Variants in PRKAG2 observed in about 807,000 individuals in gnomAD.
PRKAG2 encodes the protein protein kinase AMP-activated non-catalytic subunit gamma 2.
A neutral mutation model predicts 69.6 loss-of-function variants in PRKAG2; 26 were observed. The ratio of observed to expected loss-of-function variants is 0.37; its 90% CI spans 0.27 to 0.52. PRKAG2 has a LOEUF of 0.52. Among genes scored for constraint, PRKAG2 ranks in the 20% least tolerant of loss-of-function variants. The pLI is 0.90. For missense variants in PRKAG2, 557 were observed against 740.0 expected, an observed-to-expected ratio of 0.75 and a Z score of 2.87; for synonymous variants, 293 against 285.0, an observed-to-expected ratio of 1.03 and a Z score of -0.28.
intron 5 of PRKAG2, among the ~76,000 whole-genome samples, chr7:151,607,064 G>C (rs1391269686): frequency 6.6e-6 from 1 of 152,188 alleles, no homozygotes; most frequent in Non-Finnish European, 1.5e-5. Flanking sequence ...TCTTTAAACA[G>C]ATGCCAACCC....
rs780581700 is a variant in PRKAG2, at chr7:151,565,329, A to G, written c.1437+17T>C. 11 of 1,378,550 alleles carry G rather than the reference A, an allele frequency of 8.0e-6. No homozygotes were observed. Among genetic ancestry groups the G allele is most frequent in the Middle Eastern group, 3.7e-4 (2 of 5,460 alleles). 85.4% of individuals were successfully genotyped at this position (1,378,550 alleles called of 1,614,324 possible). A position where few individuals can be genotyped will look rare whatever the true frequency, so the allele number is the denominator to read the frequency against. On this transcript the variant is annotated intron_variant, in intron 13 of 15. Transcript: ENST00000287878. Reference sequence around the variant, plus strand: ...ATGCATTCTAGGTGACAGATTGAACAAAATTAAAATACTTACAATTACATC... The same window carrying G: ...ATGCATTCTAGGTGACAGATTGAACGAAATTAAAATACTTACAATTACATC...
At chr7:151,695,901 T>A (rs1456642594) in intron 3 of PRKAG2, among the ~76,000 whole-genome samples, 1 of 152,124 alleles carries the variant, frequency 6.6e-6, no homozygotes, top group East Asian at 1.9e-4. Context: ...AGGCACTGTG[T>A]CCTCCAGACC....
intron 3 of PRKAG2, among the ~76,000 whole-genome samples, chr7:151,685,035 C>A (rs1834512312): frequency 6.6e-6 from 1 of 152,198 alleles, no homozygotes; most frequent in Non-Finnish European, 1.5e-5. Flanking sequence ...AGTCCACTTC[C>A]TCTATAACCC....
intron 5 of PRKAG2, among the ~76,000 whole-genome samples, chr7:151,621,344 T>C (rs1206145942): frequency 6.6e-6 from 1 of 152,192 alleles, no homozygotes; most frequent in Non-Finnish European, 1.5e-5. Context: ...TATGCTCTTC[T>C]GTAGCAGAAG....
intron 6 of PRKAG2, among the ~76,000 whole-genome samples, chr7:151,582,161 C>T (rs763672903): frequency 5.3e-5 from 8 of 152,124 alleles, no homozygotes; most frequent in South Asian, 2.1e-4. Context: ...TATGTATGTA[C>T]GTATGAATGA....
rs1045151418 is a variant in PRKAG2 at position 151,559,498 on chromosome 7, A to G, written c.1678+1026T>C. Reference sequence around the variant, plus strand: ...ACATGAACATTTCATTTTCTAGTAAATTCCAGGTGGTGGTGATGATGCCTG... The same window carrying G: ...ACATGAACATTTCATTTTCTAGTAAGTTCCAGGTGGTGGTGATGATGCCTG... On this transcript the variant is annotated intron_variant, in intron 15 of 15. Coordinates refer to ENST00000287878, the MANE Select transcript of PRKAG2 (RefSeq NM_016203.4). 19 of 982,502 alleles carry G rather than the reference A, an allele frequency of 1.9e-5. No homozygotes were observed. The African/African-American group carries it at 3.3e-4, about 17-fold the overall frequency. The allele number at this position is 982,502 out of a possible 1,614,324, so 60.9% of individuals were successfully genotyped here.
chr7:151,853,740 A>G (rs1447422925), intron 1 of PRKAG2, among the ~76,000 whole-genome samples: 1 of 144,128 alleles, frequency 6.9e-6, no homozygotes, highest in African/African-American at 2.6e-5. Flanking sequence ...AGCCTGGGCA[A>G]CACAGTGAGA....
At chr7:151,613,188 A>T (rs1819279942) in intron 5 of PRKAG2, among the ~76,000 whole-genome samples, 1 of 152,226 alleles carries the variant, frequency 6.6e-6, no homozygotes, top group South Asian at 2.1e-4. Flanking sequence ...TAACGCCTGA[A>T]ATAACTTAAA....
intron 3 of PRKAG2, among the ~76,000 whole-genome samples, chr7:151,744,264 G>A (rs1479216272): frequency 1.3e-5 from 2 of 152,212 alleles, no homozygotes; most frequent in African/African-American, 2.4e-5. Flanking sequence ...CCACGGCATC[G>A]GGGAAGTGCC....
At chr7:151,625,238 A>G (rs78248188) in intron 5 of PRKAG2, among the ~76,000 whole-genome samples, 15,386 of 152,204 alleles carry the variant, frequency 0.1, 993 homozygotes, top group Middle Eastern at 0.16. Flanking sequence ...TGAGACTTGG[A>G]GAAAACGAGC....
chr7:151,802,962 A>ATTTTT (rs536103411), intron 1 of PRKAG2, among the ~76,000 whole-genome samples: 1 of 131,572 alleles, frequency 7.6e-6, no homozygotes, highest in Non-Finnish European at 1.6e-5. Context: ...ATATATATAT[A>ATTTTT]TTTTTTTTTT....
intron 3 of PRKAG2, among the ~76,000 whole-genome samples, chr7:151,710,720 T>C (rs1325455766): frequency 2.0e-5 from 3 of 152,232 alleles, no homozygotes; most frequent in African/African-American, 7.2e-5. Context: ...CACTTGTCAC[T>C]ATCCGCCCAG....
At chr7:151,579,928 A>T (rs372016884) in intron 6 of PRKAG2, among the ~76,000 whole-genome samples, 4 of 152,308 alleles carry the variant, frequency 2.6e-5, no homozygotes, top group African/African-American at 9.6e-5. Flanking sequence ...AAAATAAAAA[A>T]CCTGCCAATC....
chr7:151,814,731 A>G lies in PRKAG2; in HGVS notation c.115-28190T>C. Reference sequence around the variant, plus strand: ...CTGGCAGACAGCATGGGCTGGCCTAAGACAGCGCAGGCAACGGTCTTGGTG... The same window carrying G: ...CTGGCAGACAGCATGGGCTGGCCTAGGACAGCGCAGGCAACGGTCTTGGTG... On this transcript the variant is annotated intron_variant, in intron 1 of 15. Transcript: ENST00000287878. The surrounding 1 kb of genome is among the most constrained non-coding windows in gnomAD (Gnocchi z 4.8). The G allele has an allele frequency of 1.6e-6, 2 of 1,231,748 alleles. No homozygotes were observed. Among genetic ancestry groups the G allele is most frequent in the Non-Finnish European group, 2.0e-6 (2 of 987,966 alleles). The allele number at this position is 1,231,748 out of a possible 1,614,324, so 76.3% of individuals were successfully genotyped here.
chr7:151,696,040 C>T (rs956176847), intron 3 of PRKAG2, among the ~76,000 whole-genome samples: 20 of 152,164 alleles, frequency 1.3e-4, no homozygotes, highest in Admixed American at 1.3e-3. Flanking sequence ...TTTGATGTTG[C>T]CAGCTAGAAT....
chr7:151,675,590 G>A lies in PRKAG2; in HGVS notation c.514C>T (p.Gln172Ter). 1 of 1,614,166 alleles carries A rather than the reference G, an allele frequency of 6.2e-7. No homozygotes were observed. Among genetic ancestry groups the A allele is most frequent in the Non-Finnish European group, 8.5e-7 (1 of 1,179,988 alleles). ...SPSTPTQVTK[Q>*]HTFPLESYKH... ...TAGGATTCCAGGGGAAACGTGTGCT[G>A]CTTGGTCACTTGGGTGGGTGTTGAC... is the stretch of plus-strand genomic sequence containing the variant. The change falls in exon 4 of 16, where the codon CAG (glutamine) becomes TAG (stop). Residue 172 changes from glutamine (Q) to a stop codon, truncating the protein, a stop_gained. Transcript: ENST00000287878. LOFTEE classifies it high-confidence loss of function.
chr7:151,675,335 G>T, intron 4 of PRKAG2, 85 bp downstream of exon 4: 1 of 1,351,208 alleles, frequency 7.4e-7, no homozygotes, highest in Non-Finnish European at 1.0e-6. Context: ...CTCGGCTGCA[G>T]ATAGACTGCT....
rs1208912869 is a variant in PRKAG2 at position 151,757,529 on chromosome 7, C to G, written c.466+23623G>C. 2.0e-5 allele frequency among the ~76,000 whole-genome samples: 3 copies of G among 152,188 alleles called. No individual in the cohort carries two copies. In the East Asian group the frequency reaches 5.8e-4, roughly 29 times the overall value. On this transcript the variant is annotated intron_variant, in intron 3 of 15. Transcript: ENST00000287878. ...ACCACAAACAGAGAAAATTAAATTC[C>G]TTTTGGATGTTCAAAATACACATGA... is the stretch of plus-strand genomic sequence containing the variant.
At chr7:151,726,400 A>ACACACACG (rs557849317) in intron 3 of PRKAG2, among the ~76,000 whole-genome samples, 2 of 102,508 alleles carry the variant, frequency 2.0e-5, no homozygotes, top group African/African-American at 6.2e-5. Context: ...ACACACACAC[A>ACACACACG]CGCACACACA....
Sources: allele counts gnomAD v4.1 joint callset (sites outside exome capture counted in the v4.1 genomes callset), GRCh38; gene constraint gnomAD v4.1.1; non-coding constraint Gnocchi (gnomAD v3.1); transcripts MANE v1.5; gene names NCBI Gene and HGNC (gene_info 2026-07-23, HGNC 2026-07-21).